RSRC1: variants seen among roughly 807,000 people sequenced by gnomAD.
The protein encoded by RSRC1 is serine/Arginine-related protein 53.
RSRC1 carries 39 observed loss-of-function variants against 49.1 expected under a neutral mutation model. The observed-to-expected ratio is 0.79, with a 90% CI of 0.61 to 1.04. The LOEUF is 1.04. Among genes scored for constraint, RSRC1 ranks in the 50% least tolerant of loss-of-function variants. The probability of loss-of-function intolerance (pLI) is 0.00; values close to 1 mark genes in which losing one functional copy is unlikely to be tolerated. For synonymous variants in RSRC1, 143 were observed against 130.8 expected, an observed-to-expected ratio of 1.09 and a Z score of -0.63; for missense variants, 388 against 402.4, an observed-to-expected ratio of 0.96 and a Z score of 0.31.
chr3:158,364,809 A>C (rs1261480639), intron 6 of RSRC1, among the ~76,000 whole-genome samples: 1 of 123,882 alleles, frequency 8.1e-6, no homozygotes, highest in Non-Finnish European at 1.7e-5. Context: ...TATTTACAGA[A>C]TGGGAAAAAT....
chr3:158,165,185 A>G (rs565412295), intron 3 of RSRC1, among the ~76,000 whole-genome samples: 1 of 152,320 alleles, frequency 6.6e-6, no homozygotes, highest in East Asian at 1.9e-4. Context: ...TATTTATAAG[A>G]TAATTAGAAA....
intron 4 of RSRC1, among the ~76,000 whole-genome samples, chr3:158,229,317 A>T (rs1242415911): frequency 1.4e-5 from 2 of 146,926 alleles, no homozygotes; most frequent in Admixed American, 6.7e-5. Flanking sequence ...TATGTATATA[A>T]ACATACACAG....
intron 6 of RSRC1, among the ~76,000 whole-genome samples, chr3:158,400,861 A>G (rs954807848): frequency 6.6e-6 from 1 of 152,020 alleles, no homozygotes; most frequent in African/African-American, 2.4e-5. Context: ...CTAGGCCTTC[A>G]CATTCAATTA....
chr3:158,372,640 C>T (rs576800205), intron 6 of RSRC1, among the ~76,000 whole-genome samples: 2 of 151,836 alleles, frequency 1.3e-5, no homozygotes, highest in East Asian at 1.9e-4. Flanking sequence ...TTTTCCATTT[C>T]GATATACATT....
At chr3:158,216,753 C>T (rs532788247) in intron 4 of RSRC1, among the ~76,000 whole-genome samples, 11 of 151,802 alleles carry the variant, frequency 7.2e-5, no homozygotes, top group African/African-American at 2.4e-4. Context: ...CATACCTGAG[C>T]GTCCAGAGGT....
chr3:158,223,590 A>ATTTT lies in RSRC1; in HGVS notation c.494+20353_494+20356dup, dbSNP rs5853818. Among the ~76,000 whole-genome samples, 1,430 of 145,632 alleles carry ATTTT rather than the reference A, an allele frequency of 9.8e-3. 28 individuals are homozygous for ATTTT. The highest frequency in any genetic ancestry group is 0.02 in the South Asian group (93 of 4,586). On this transcript the variant is annotated intron_variant, in intron 4 of 9. Transcript: ENST00000611884. ...ACCTGATCTATAGTTTAGCTTCCTG[A>ATTTT]TTTTTTTTTTTGCTTTCAATCTTGT... is the stretch of plus-strand genomic sequence containing the variant.
rs1553814781 is a variant in RSRC1, at chr3:158,487,949, G to GGAAAAAAAAAAAAAAAA, written c.652+26946_652+26947insGAAAAAAAAAAAAAAAA. Among the ~76,000 whole-genome samples the GGAAAAAAAAAAAAAAAA allele has an allele frequency of 4.8e-3, 138 of 28,910 alleles. 23 individuals are homozygous for GGAAAAAAAAAAAAAAAA. The highest frequency in any genetic ancestry group is 6.8e-3 in the Non-Finnish European group (113 of 16,524). The allele number at this position is 28,910 out of a possible 152,430, so 19.0% of individuals were successfully genotyped here. On this transcript the variant is annotated intron_variant, in intron 7 of 9. Coordinates refer to ENST00000611884, the MANE Select transcript of RSRC1 (RefSeq NM_001271838.2). Reference sequence around the variant, plus strand: ...TAGGAGACAAGAGACTCCATCTCAAGAAAAAAAAAAAAAAAAAAAAAAAAA... The same window carrying GGAAAAAAAAAAAAAAAA: ...TAGGAGACAAGAGACTCCATCTCAAGGAAAAAAAAAAAAAAAAAAAAAAAAAAAAAAAAAAAAAAAAA...
chr3:158,394,469 C>T (rs1221011136), intron 6 of RSRC1, among the ~76,000 whole-genome samples: 2 of 151,762 alleles, frequency 1.3e-5, no homozygotes, highest in African/African-American at 2.4e-5. Context: ...ATTTGAATTT[C>T]CAGAATCTGG....
chr3:158,130,063 G>T (rs1715914950), intron 3 of RSRC1, among the ~76,000 whole-genome samples: 2 of 152,178 alleles, frequency 1.3e-5, no homozygotes, highest in Admixed American at 1.3e-4. Context: ...TGCCTGGGAG[G>T]TTAGAGATCA....
chr3:158,133,920 T>C (rs1716194729), intron 3 of RSRC1, among the ~76,000 whole-genome samples: 1 of 152,100 alleles, frequency 6.6e-6, no homozygotes, highest in Admixed American at 6.6e-5. Context: ...ATGGTTTGGG[T>C]CGAGTTATGG....
chr3:158,518,353 C>G (rs1246217689), intron 7 of RSRC1, among the ~76,000 whole-genome samples: 2 of 145,556 alleles, frequency 1.4e-5, no homozygotes, highest in African/African-American at 5.3e-5. Context: ...TGTAAATCTT[C>G]TGAGTATAGT....
intron 7 of RSRC1, among the ~76,000 whole-genome samples, chr3:158,518,726 G>T (rs1046611312): frequency 1.3e-5 from 2 of 151,904 alleles, no homozygotes; most frequent in African/African-American, 4.8e-5. Context: ...CTAATCACAT[G>T]CAAACTCTGA....
In RSRC1 at chr3:158,291,313, A is replaced by C. The variant is rs540601265; in HGVS notation, c.495-6726A>C. On this transcript the variant is annotated intron_variant, in intron 4 of 9. Coordinates refer to ENST00000611884, the MANE Select transcript of RSRC1 (RefSeq NM_001271838.2). ...TCTTTTATTTACCAAGGACTTGTTCAGTGGAATGACACTTTCATGCTACTC... is the reference window on the plus strand; with the variant it reads ...TCTTTTATTTACCAAGGACTTGTTCCGTGGAATGACACTTTCATGCTACTC... Among the ~76,000 whole-genome samples, 35 of 152,338 alleles carry C rather than the reference A, an allele frequency of 2.3e-4. No homozygotes were observed. In the East Asian group the frequency reaches 6.6e-3, roughly 29 times the overall value.
intron 4 of RSRC1, among the ~76,000 whole-genome samples, chr3:158,266,228 T>C (rs990754895): frequency 6.6e-6 from 1 of 152,136 alleles, no homozygotes; most frequent in Non-Finnish European, 1.5e-5. Flanking sequence ...TTTTTCTCTT[T>C]AATTTTTTCC....
At chr3:158,357,637 T>C (rs1731228175) in intron 6 of RSRC1, among the ~76,000 whole-genome samples, 1 of 151,270 alleles carries the variant, frequency 6.6e-6, no homozygotes, top group South Asian at 2.1e-4. Context: ...AGGTGTTCAT[T>C]ATATTATTAA....
rs956416914 is a variant in RSRC1 at position 158,134,482 on chromosome 3, T to A, written c.320+10491T>A. 2.0e-5 allele frequency among the ~76,000 whole-genome samples: 3 copies of A among 152,236 alleles called. No individual in the cohort carries two copies. In the East Asian group the frequency reaches 5.8e-4, roughly 29 times the overall value. ...TGACTTAGAAAATTGCATTGTTAAC[T>A]TGAAGTGAAAATCTGCATTGCATAG... On this transcript the variant is annotated intron_variant, in intron 3 of 9. Transcript: ENST00000611884.
intron 3 of RSRC1, among the ~76,000 whole-genome samples, chr3:158,167,863 A>T (rs942703846): frequency 5.9e-5 from 9 of 152,102 alleles, no homozygotes; most frequent in African/African-American, 1.9e-4. Flanking sequence ...GCTTGGCTTC[A>T]CTTGCTGTTT....
At chr3:158,276,410 G>T in intron 4 of RSRC1, 2 of 758,478 alleles carry the variant, frequency 2.6e-6, no homozygotes, top group Non-Finnish European at 4.8e-6. Flanking sequence ...GGATGTGCTT[G>T]TATGCACCCA....
intron 5 of RSRC1, among the ~76,000 whole-genome samples, chr3:158,336,995 A>G (rs952394921): frequency 6.6e-6 from 1 of 152,054 alleles, no homozygotes; most frequent in Non-Finnish European, 1.5e-5. Context: ...GAGGTGGGAG[A>G]TTTCCCGTCT....
Sources: gnomAD v4.1 joint callset for allele counts (sites outside exome capture counted in the v4.1 genomes callset) on GRCh38, gnomAD v4.1.1 for gene constraint, MANE v1.5 for transcripts, NCBI Gene and HGNC (gene_info 2026-07-23, HGNC 2026-07-21) for gene names.